Variants in ATP2B1 observed in about 807,000 individuals in gnomAD.
The protein encoded by ATP2B1 is ATPase plasma membrane Ca2+ transporting 1, also known as plasma membrane calcium-transporting ATPase 1.
Under a neutral mutation model 124.2 loss-of-function variants are expected in ATP2B1, and 14 were observed. The observed-to-expected ratio is 0.11, with a 90% CI of 0.07 to 0.18. The LOEUF (loss-of-function observed/expected upper bound fraction) is 0.18, where lower values mean the gene tolerates loss of function less well. ATP2B1 is among the 10% of genes least tolerant of loss of function. ATP2B1 has a pLI of 1.00. For missense variants in ATP2B1, 763 were observed against 1,466.1 expected (o/e 0.52, Z 7.83); for synonymous variants, 449 against 492.4 (o/e 0.91, Z 1.17).
At chr12:89,681,866 C>A (rs529813930) in intron 1 of ATP2B1, among the ~76,000 whole-genome samples, 1 of 152,184 alleles carries the variant, frequency 6.6e-6, no homozygotes, top group South Asian at 2.1e-4. Flanking sequence ...CAAAGGATGC[C>A]TGCTAGTTCC....
At chr12:89,671,824 A>G (rs1344200685) in intron 1 of ATP2B1, among the ~76,000 whole-genome samples, 2 of 149,102 alleles carry the variant, frequency 1.3e-5, no homozygotes, top group Non-Finnish European at 3.0e-5. Flanking sequence ...TTTTATATCA[A>G]GCTCATGAAC....
chr12:89,621,215 G>C (rs948244363), intron 10 of ATP2B1, among the ~76,000 whole-genome samples: 1 of 152,002 alleles, frequency 6.6e-6, no homozygotes, highest in African/African-American at 2.4e-5. Flanking sequence ...TGTAAGTTGA[G>C]AGCTGACCTC....
Position 89,633,306 on chromosome 12 carries a change from T to G in ATP2B1, c.787+1472A>C, listed in dbSNP as rs929220105. ...ATGTTCTTTTTTCTTTTTTTTAAAT[T>G]TTATTATTATTATATTTTAAGTTTT... On this transcript the variant is annotated intron_variant, in intron 5 of 20. Coordinates refer to ENST00000428670, the MANE Select transcript of ATP2B1 (RefSeq NM_001366521.1). 5.3e-5 allele frequency among the ~76,000 whole-genome samples: 8 copies of G among 151,882 alleles called. 1 individual carries two copies. Among genetic ancestry groups the G allele is most frequent in the Admixed American group, 3.3e-4 (5 of 15,250 alleles).
chr12:89,708,357 A>C (rs2136940947), intron 1 of ATP2B1, among the ~76,000 whole-genome samples: 1 of 152,148 alleles, frequency 6.6e-6, no homozygotes, highest in Non-Finnish European at 1.5e-5. Context: ...TCCCAGACTG[A>C]CCCGGCGCTG....
At chr12:89,676,978 CA>C (rs1888686004) in intron 1 of ATP2B1, among the ~76,000 whole-genome samples, 1 of 151,964 alleles carries the variant, frequency 6.6e-6, no homozygotes, top group South Asian at 2.1e-4. Context: ...CATTATGGAC[CA>C]AAAAATTCAG....
intron 7 of ATP2B1, 95 bp downstream of exon 7, chr12:89,627,583 C>A: frequency 2.9e-6 from 4 of 1,387,312 alleles, no homozygotes; most frequent in Non-Finnish European, 3.0e-6. Context: ...ATTTTCCCTG[C>A]CACATGTATC....
At position 89,590,748 on chromosome 12, in the gene ATP2B1, C is replaced by T. The variant is rs892910160; in HGVS notation, c.*236G>A. On this transcript the variant is annotated 3_prime_UTR_variant, in exon 21 of 21. Coordinates refer to ENST00000428670, the MANE Select transcript of ATP2B1 (RefSeq NM_001366521.1). ...CTACTGATGATCCACAGGTCACTTACGCTGAGTTACTGTTTATCTGTCAGT... is the reference window on the plus strand; with the variant it reads ...CTACTGATGATCCACAGGTCACTTATGCTGAGTTACTGTTTATCTGTCAGT... 1.3e-5 allele frequency: 6 copies of T among 456,468 alleles called. No homozygotes were observed. Among genetic ancestry groups the T allele is most frequent in the African/African-American group, 5.9e-5 (3 of 50,736 alleles). The allele number at this position is 456,468 out of a possible 1,614,324, so 28.3% of individuals were successfully genotyped here.
At chr12:89,666,487 A>G (rs373639452) in intron 1 of ATP2B1, among the ~76,000 whole-genome samples, 3 of 152,294 alleles carry the variant, frequency 2.0e-5, no homozygotes, top group African/African-American at 7.2e-5. Flanking sequence ...GTCTTGTGTA[A>G]ACATTCTGAC....
At chr12:89,637,744 T>C (rs1882921729) in intron 3 of ATP2B1, among the ~76,000 whole-genome samples, 1 of 152,146 alleles carries the variant, frequency 6.6e-6, no homozygotes, top group Non-Finnish European at 1.5e-5. Flanking sequence ...GCTGAAAATA[T>C]ACAAATTATA....
At chr12:89,630,721 A>C in intron 5 of ATP2B1, 76 bp from the exon 6 acceptor site, 1 of 1,117,396 alleles carries the variant, frequency 8.9e-7, no homozygotes, top group East Asian at 2.9e-5. Flanking sequence ...AAACTTCAGT[A>C]ATATTGTTTT....
intron 1 of ATP2B1, among the ~76,000 whole-genome samples, chr12:89,676,097 G>C (rs376492223): frequency 1.3e-5 from 2 of 152,062 alleles, no homozygotes; most frequent in South Asian, 2.1e-4. Flanking sequence ...AGGGAAAGAA[G>C]TGCAGTGATG....
intron 11 of ATP2B1, among the ~76,000 whole-genome samples, chr12:89,617,349 A>G (rs1045920032): frequency 2.0e-5 from 3 of 152,216 alleles, no homozygotes; most frequent in Non-Finnish European, 4.4e-5. Flanking sequence ...AGGAGAATAA[A>G]CTATATACTT....
chr12:89,692,297 C>A (rs1377898938), intron 1 of ATP2B1, among the ~76,000 whole-genome samples: 1 of 152,130 alleles, frequency 6.6e-6, no homozygotes, highest in Non-Finnish European at 1.5e-5. Context: ...GTGAACTATG[C>A]CTAGACGACA....
At position 89,683,104 on chromosome 12, in the gene ATP2B1, A is replaced by C. The variant is rs1181956406; in HGVS notation, c.-222+25492T>G. ...TCACTCAAAAGAGAAATGCAAATTA[A>C]AACTATGCTGAAAATATCATCTCTC... On this transcript the variant is annotated intron_variant, in intron 1 of 20. Transcript: ENST00000428670. Among the ~76,000 whole-genome samples, 4 of 152,374 alleles carry C rather than the reference A, an allele frequency of 2.6e-5. No homozygotes were observed. In the East Asian group the frequency reaches 5.8e-4, roughly 22 times the overall value.
chr12:89,692,390 C>A (rs1380362840), intron 1 of ATP2B1, among the ~76,000 whole-genome samples: 1 of 152,054 alleles, frequency 6.6e-6, no homozygotes, highest in African/African-American at 2.4e-5. Flanking sequence ...CAGGCTGGGA[C>A]GACTGTGTGG....
At position 89,604,126 on chromosome 12, in the gene ATP2B1, C is replaced by T. The variant is rs1024590057; in HGVS notation, c.2634+29G>A. The T allele has an allele frequency of 6.3e-6, 10 of 1,594,988 alleles. No homozygotes were observed. In the Admixed American group the frequency reaches 7.0e-5, roughly 11 times the overall value. ...ATATACTTTTTAAATTTAAAGTAAA[C>T]AAGTTTTGATAGACAAGTCATCACC... On this transcript the variant is annotated intron_variant, in intron 16 of 20. Transcript: ENST00000428670.
At chr12:89,696,484 A>C (rs1474135431) in intron 1 of ATP2B1, among the ~76,000 whole-genome samples, 1 of 138,244 alleles carries the variant, frequency 7.2e-6, no homozygotes, top group East Asian at 2.1e-4. Context: ...TTAATGAAAA[A>C]ATTTAATGAC....
At chr12:89,620,319 T>C in intron 10 of ATP2B1, 79 bp from the exon 11 acceptor site, 4 of 1,466,360 alleles carry the variant, frequency 2.7e-6, no homozygotes, top group Non-Finnish European at 3.7e-6. Context: ...CAGACTGCGA[T>C]ATTCTAAAAT....
Position 89,603,382 on chromosome 12 carries a change from A to T in ATP2B1, c.2849-128T>A. On this transcript the variant is annotated intron_variant, in intron 17 of 20. Transcript: ENST00000428670. This position sits in a 1 kb window ranked among gnomAD's most constrained non-coding sequence, Gnocchi z 4.3. ...TGGCAGCATGGAAGGAGCTAGAGAAACCTGGGATTATCTAGTACAACTCTC... is the reference window on the plus strand; with the variant it reads ...TGGCAGCATGGAAGGAGCTAGAGAATCCTGGGATTATCTAGTACAACTCTC... 4 of 789,404 alleles carry T rather than the reference A, an allele frequency of 5.1e-6. No homozygotes were observed. Among genetic ancestry groups the T allele is most frequent in the Non-Finnish European group, 7.8e-6 (4 of 511,664 alleles). 48.9% of individuals were successfully genotyped at this position (789,404 alleles called of 1,614,324 possible).
Sources: gnomAD v4.1 joint callset for allele counts (sites outside exome capture counted in the v4.1 genomes callset) on GRCh38, gnomAD v4.1.1 for gene constraint, Gnocchi (gnomAD v3.1) non-coding constraint, MANE v1.5 for transcripts, NCBI Gene and HGNC (gene_info 2026-07-23, HGNC 2026-07-21) for gene names.